Variants in ATP10B observed in about 807,000 individuals in gnomAD.
ATP10B encodes phospholipid-transporting ATPase VB.
A neutral mutation model predicts 141.2 loss-of-function variants in ATP10B; 122 were observed. That is an observed-to-expected ratio of 0.86 (90% CI 0.75 to 1.00). ATP10B has a LOEUF of 1.00. Ranked by LOEUF, ATP10B falls within the 50% of genes least tolerant of loss-of-function variation. The pLI, the probability that ATP10B is intolerant of heterozygous loss-of-function variation, is 0.00. For missense variants in ATP10B, 1,876 were observed against 1,825.3 expected, an observed-to-expected ratio of 1.03 and a Z score of -0.51; for synonymous variants, 685 against 692.0, an observed-to-expected ratio of 0.99 and a Z score of 0.16.
chr5:160,760,013 G>C (rs537102873), intron 2 of ATP10B, among the ~76,000 whole-genome samples: 1 of 152,114 alleles, frequency 6.6e-6, no homozygotes, highest in African/African-American at 2.4e-5. Context: ...CTTGGACTCT[G>C]TCTTTTACAT....
intron 18 of ATP10B, among the ~76,000 whole-genome samples, chr5:160,608,577 CCT>C (rs1282407189): frequency 1.3e-5 from 2 of 152,190 alleles, no homozygotes; most frequent in African/African-American, 4.8e-5. Flanking sequence ...TTCTCCACAT[CCT>C]CTCTAGCACC....
chr5:160,569,383 T>G (rs7709677), intron 25 of ATP10B, 113 bp downstream of exon 25: 123,055 of 1,005,180 alleles, frequency 0.12, 9,617 homozygotes, highest in African/African-American at 0.3. Context: ...TTCTGAAACA[T>G]TAGCCTCAAG....
intron 21 of ATP10B, among the ~76,000 whole-genome samples, chr5:160,599,790 A>G (rs140364629): frequency 7.6e-4 from 116 of 152,226 alleles, no homozygotes; most frequent in Middle Eastern, 3.4e-3. Context: ...GTTATTGTCT[A>G]CCATATTGCG....
upstream of ATP10B, among the ~76,000 whole-genome samples, chr5:160,854,904 G>GTT (rs1460124583): frequency 6.6e-6 from 1 of 152,084 alleles, no homozygotes; most frequent in African/African-American, 2.4e-5. Context: ...CTACGAGAGA[G>GTT]AAAATGTAGG....
In ATP10B at chr5:160,588,984, C is replaced by A. The variant is rs150641440; in HGVS notation, c.3750+608G>T. On this transcript the variant is annotated intron_variant, in intron 24 of 25. Coordinates refer to ENST00000327245, the MANE Select transcript of ATP10B (RefSeq NM_025153.3). The stretch of plus-strand genomic sequence containing the variant: ...CTCAGGTATGTATGGTCAGTGTTTT[C>A]CTTGTCTCTGAAACACGCCTGAACT... 2.0e-5 allele frequency among the ~76,000 whole-genome samples: 3 copies of A among 152,202 alleles called. No individual in the cohort carries two copies. In the East Asian group the frequency reaches 5.8e-4, roughly 29 times the overall value.
chr5:160,769,926 A>G (rs1769761192), intron 2 of ATP10B, among the ~76,000 whole-genome samples: 1 of 152,202 alleles, frequency 6.6e-6, no homozygotes, highest in Admixed American at 6.5e-5. Context: ...AGGGGATGCC[A>G]TGTCACCTGG....
At chr5:160,637,552 C>A (rs1759511846) in intron 10 of ATP10B, among the ~76,000 whole-genome samples, 1 of 152,202 alleles carries the variant, frequency 6.6e-6, no homozygotes, top group Admixed American at 6.5e-5. Flanking sequence ...CAGGTACAGA[C>A]TGAACTCTGT....
At chr5:160,849,153 T>C (rs1009770868) in intron 1 of ATP10B, among the ~76,000 whole-genome samples, 1 of 151,886 alleles carries the variant, frequency 6.6e-6, no homozygotes, top group African/African-American at 2.4e-5. Flanking sequence ...GAGGAGGAGG[T>C]AGAGAACATA....
chr5:160,706,327 T>C (rs1381457091), intron 3 of ATP10B, among the ~76,000 whole-genome samples: 1 of 152,180 alleles, frequency 6.6e-6, no homozygotes, highest in East Asian at 1.9e-4. Context: ...ACAGTATCTG[T>C]GAAGTGCAAT....
In ATP10B at chr5:160,570,740, C is replaced by T. The variant is rs140948981; in HGVS notation, c.3751-1057G>A. 2.8e-3 allele frequency among the ~76,000 whole-genome samples: 428 copies of T among 152,304 alleles called. 2 individuals are homozygous for T. Among genetic ancestry groups the T allele is most frequent in the Admixed American group, 4.8e-3 (74 of 15,290 alleles). On this transcript the variant is annotated intron_variant, in intron 24 of 25. Transcript: ENST00000327245. ...GCCTCCATTCCTTGGACCCTCCACC[C>T]GAGGTATCTTTTTAAGTGCATCCTG...
At chr5:160,664,731 C>T (rs749412192) in intron 7 of ATP10B, among the ~76,000 whole-genome samples, 1 of 152,106 alleles carries the variant, frequency 6.6e-6, no homozygotes, top group Non-Finnish European at 1.5e-5. Context: ...TCCCACTTGG[C>T]CCTGGGGAAT....
rs1216669136 is a variant in ATP10B at position 160,788,029 on chromosome 5, T to C, written c.-575-2226A>G. Reference sequence around the variant, plus strand: ...AAGTTTTGCCCCTGTCCTCATCTACTTCCTAGAGGTCATACATTCACCTTC... The same window carrying C: ...AAGTTTTGCCCCTGTCCTCATCTACCTCCTAGAGGTCATACATTCACCTTC... On this transcript the variant is annotated intron_variant, in intron 1 of 25. Coordinates refer to ENST00000327245, the MANE Select transcript of ATP10B (RefSeq NM_025153.3). Among the ~76,000 whole-genome samples the C allele has an allele frequency of 3.3e-5, 5 of 152,306 alleles. No individual in the cohort carries two copies. The East Asian group carries it at 9.7e-4, about 29-fold the overall frequency.
chr5:160,646,080 T>C (rs1002408509), intron 8 of ATP10B, among the ~76,000 whole-genome samples: 5 of 152,210 alleles, frequency 3.3e-5, no homozygotes, highest in Admixed American at 1.3e-4. Context: ...ATTATTTTTA[T>C]TTATGAAAAA....
At chr5:160,828,951 G>T (rs13169705) in intron 1 of ATP10B, among the ~76,000 whole-genome samples, 1 of 132,726 alleles carries the variant, frequency 7.5e-6, no homozygotes, top group African/African-American at 2.6e-5. Flanking sequence ...GTAAACTAAC[G>T]CAAGGACAAA....
the ATP10B span, among the ~76,000 whole-genome samples, chr5:160,877,976 C>T: frequency 1.3e-5 from 2 of 151,896 alleles, no homozygotes; most frequent in Non-Finnish European, 2.9e-5. Context: ...TTTATAGATT[C>T]AATGCCATCC....
At chr5:160,845,831 G>A (rs999813471) in intron 1 of ATP10B, among the ~76,000 whole-genome samples, 1 of 151,898 alleles carries the variant, frequency 6.6e-6, no homozygotes, top group Non-Finnish European at 1.5e-5. Context: ...TGACACCAAA[G>A]ACTGTTAATT....
At chr5:160,692,841 TC>T (rs1479860626) in intron 3 of ATP10B, 1 of 152,356 alleles carries the variant, frequency 6.6e-6, no homozygotes, top group Admixed American at 6.5e-5. Flanking sequence ...TGAGGTTTCC[TC>T]CCATCTCTTT....
chr5:160,869,524 C>G, the ATP10B span, among the ~76,000 whole-genome samples: 1 of 152,080 alleles, frequency 6.6e-6, no homozygotes, highest in Non-Finnish European at 1.5e-5. Flanking sequence ...CCTTTAGATT[C>G]CCCCTGCACT....
At chr5:160,828,457 T>A (rs1774802751) in intron 1 of ATP10B, among the ~76,000 whole-genome samples, 1 of 152,016 alleles carries the variant, frequency 6.6e-6, no homozygotes, top group Non-Finnish European at 1.5e-5. Context: ...CATAAAAAAA[T>A]GCTCATCATC....
Sources: allele counts gnomAD v4.1 joint callset (sites outside exome capture counted in the v4.1 genomes callset), GRCh38; gene constraint gnomAD v4.1.1; transcripts MANE v1.5; gene names NCBI Gene and HGNC (gene_info 2026-07-23, HGNC 2026-07-21).